PDZD2: variants seen among roughly 807,000 people sequenced by gnomAD.
PDZD2 encodes the protein PDZ domain-containing protein 2.
PDZD2 carries 90 observed loss-of-function variants against 220.7 expected under a neutral mutation model. The ratio of observed to expected loss-of-function variants is 0.41; its 90% confidence interval spans 0.34 to 0.49. The LOEUF (loss-of-function observed/expected upper bound fraction) is 0.49, where lower values mean the gene tolerates loss of function less well. Ranked by LOEUF, PDZD2 falls within the 20% of genes least tolerant of loss-of-function variation. The pLI, the probability that PDZD2 is intolerant of heterozygous loss-of-function variation, is 0.28. For synonymous variants in PDZD2, 1,375 were observed against 1,450.5 expected (o/e 0.95, Z 1.18); for missense variants, 3,174 against 3,608.5 (o/e 0.88, Z 3.08).
At chr5:31,945,449 G>A (rs748021365) in intron 2 of PDZD2, among the ~76,000 whole-genome samples, 2 of 152,064 alleles carry the variant, frequency 1.3e-5, no homozygotes, top group Admixed American at 6.5e-5. Context: ...CTGCTATCTC[G>A]GTCCTATCTT....
rs1315307332 is a variant in PDZD2, at chr5:32,025,557, A to ACAACT, written c.1408-11674_1408-11673insCAACT. ...AACAAACAAACAAACAAACAAACAAAAAACAACTAGTGAGCCCAAATGTAA... is the reference window on the plus strand; with the variant it reads ...AACAAACAAACAAACAAACAAACAAACAACTAAACAACTAGTGAGCCCAAATGTAA... On this transcript the variant is annotated intron_variant, in intron 6 of 24. Transcript: ENST00000438447. Among the ~76,000 whole-genome samples the ACAACT allele has an allele frequency of 2.6e-3, 337 of 128,400 alleles. 1 individual carries two copies. The highest frequency in any genetic ancestry group is 0.01 in the African/African-American group (319 of 31,230). The allele number at this position is 128,400 out of a possible 152,430, so 84.2% of individuals were successfully genotyped here.
intron 3 of PDZD2, among the ~76,000 whole-genome samples, chr5:31,990,469 A>G (rs1211960165): frequency 6.6e-6 from 1 of 152,188 alleles, no homozygotes; most frequent in Non-Finnish European, 1.5e-5. Flanking sequence ...AATGTAAAAG[A>G]AAACAAATGC....
At chr5:31,978,562 A>T (rs1749989409) in intron 2 of PDZD2, among the ~76,000 whole-genome samples, 1 of 152,170 alleles carries the variant, frequency 6.6e-6, no homozygotes, top group South Asian at 2.1e-4. Context: ...TACTAAAAGT[A>T]CAATTAGCCA....
chr5:31,989,421 C>CTTTTTTTTTTTTTTTTTT (rs869045113), intron 3 of PDZD2, among the ~76,000 whole-genome samples: 4 of 119,904 alleles, frequency 3.3e-5, no homozygotes, highest in Admixed American at 1.7e-4. Context: ...ATTTTCTTTT[C>CTTTTTTTTTTTTTTTTTT]TTTTTTTTTT....
chr5:31,676,391 G>A (rs1448273826), intron 1 of PDZD2, among the ~76,000 whole-genome samples: 2 of 152,260 alleles, frequency 1.3e-5, no homozygotes, highest in South Asian at 2.1e-4. Context: ...GTCAGAAGGA[G>A]TGACAAGTGG....
intron 2 of PDZD2, among the ~76,000 whole-genome samples, chr5:31,806,865 T>G (rs1057065978): frequency 6.6e-6 from 1 of 152,104 alleles, no homozygotes; most frequent in Non-Finnish European, 1.5e-5. Context: ...CAAATGTCTT[T>G]TCTGAAAAGT....
intron 1 of PDZD2, among the ~76,000 whole-genome samples, chr5:31,672,867 C>A (rs1746267143): frequency 6.6e-6 from 1 of 152,152 alleles, no homozygotes; most frequent in Admixed American, 6.5e-5. Context: ...GCGGGGGCTC[C>A]CTTTACATAA....
At chr5:31,967,632 G>A (rs905348702) in intron 2 of PDZD2, among the ~76,000 whole-genome samples, 1 of 152,184 alleles carries the variant, frequency 6.6e-6, no homozygotes, top group Non-Finnish European at 1.5e-5. Context: ...CCTGGGCGTT[G>A]ATAGTAGCCT....
intron 24 of PDZD2, among the ~76,000 whole-genome samples, chr5:32,104,141 C>T (rs2111720925): frequency 6.6e-6 from 1 of 152,002 alleles, no homozygotes; most frequent in South Asian, 2.1e-4. Context: ...GGCATGGTGG[C>T]TCATGCTTGT....
In PDZD2 at chr5:31,646,046, G is replaced by T. The variant is rs1401626744; in HGVS notation, c.-361+6609G>T. Among the ~76,000 whole-genome samples the T allele has an allele frequency of 8.4e-5, 2 of 23,824 alleles. No individual in the cohort carries two copies. Among genetic ancestry groups the T allele is most frequent in the Non-Finnish European group, 1.2e-3 (1 of 860 alleles). 15.6% of individuals were successfully genotyped at this position (23,824 alleles called of 152,430 possible). ...AGGGTGTCAGGGAGCTTTGCACTGC[G>T]GGGGGGCCTTCTCACTACTGTCACT... On this transcript the variant is annotated intron_variant, in intron 1 of 24. Coordinates refer to ENST00000438447, the MANE Select transcript of PDZD2 (RefSeq NM_178140.4). This position sits in a 1 kb window ranked among gnomAD's most constrained non-coding sequence, Gnocchi z 4.7.
At chr5:32,011,380 T>C (rs1328843000) in intron 6 of PDZD2, among the ~76,000 whole-genome samples, 1 of 151,280 alleles carries the variant, frequency 6.6e-6, no homozygotes, top group African/African-American at 2.4e-5. Context: ...ATGCCTGTAG[T>C]CTCAGCTACT....
At chr5:32,093,553 A>G (rs157499) in intron 21 of PDZD2, among the ~76,000 whole-genome samples, 29,349 of 152,158 alleles carry the variant, frequency 0.19, 3,385 homozygotes, top group South Asian at 0.48. Flanking sequence ...CTTAACTACT[A>G]ACAACCTACT....
chr5:32,012,718 C>CA (rs1159363104), intron 6 of PDZD2, among the ~76,000 whole-genome samples: 3 of 151,504 alleles, frequency 2.0e-5, no homozygotes, highest in South Asian at 2.1e-4. Flanking sequence ...TACTCTCCTG[C>CA]AAAAAAACTG....
At chr5:31,713,592 G>A (rs1051492373) in intron 1 of PDZD2, among the ~76,000 whole-genome samples, 4 of 152,156 alleles carry the variant, frequency 2.6e-5, no homozygotes, top group African/African-American at 9.7e-5. Flanking sequence ...TGCTGTCCTT[G>A]TGGTAATGAG....
intron 2 of PDZD2, among the ~76,000 whole-genome samples, chr5:31,956,558 A>T (rs1747714379): frequency 6.8e-6 from 1 of 147,436 alleles, no homozygotes; most frequent in Non-Finnish European, 1.5e-5. Context: ...AAAAAAAAAA[A>T]ATAAATAAAA....
chr5:31,691,784 T>C (rs978661292), intron 1 of PDZD2, among the ~76,000 whole-genome samples: 1 of 152,240 alleles, frequency 6.6e-6, no homozygotes, highest in African/African-American at 2.4e-5. Flanking sequence ...AGATAGGGAA[T>C]GTGGATTGGT....
intron 2 of PDZD2, among the ~76,000 whole-genome samples, chr5:31,946,266 G>A (rs1746621986): frequency 1.3e-5 from 2 of 152,196 alleles, no homozygotes; most frequent in South Asian, 2.1e-4. Flanking sequence ...GCCTCCCAAA[G>A]TTCTGGGATT....
intron 2 of PDZD2, among the ~76,000 whole-genome samples, chr5:31,969,766 A>G (rs1749126297): frequency 6.6e-6 from 1 of 152,150 alleles, no homozygotes; most frequent in African/African-American, 2.4e-5. Context: ...TATGTTGGAT[A>G]TGCCTCAGTA....
At chr5:31,796,251 A>C (rs1245635017) in intron 1 of PDZD2, among the ~76,000 whole-genome samples, 1 of 152,198 alleles carries the variant, frequency 6.6e-6, no homozygotes, top group Non-Finnish European at 1.5e-5. Flanking sequence ...TCAAAATTTT[A>C]CAATGTAATT....
Sources: gnomAD v4.1 joint callset for allele counts (sites outside exome capture counted in the v4.1 genomes callset) on GRCh38, gnomAD v4.1.1 for gene constraint, Gnocchi (gnomAD v3.1) non-coding constraint, MANE v1.5 for transcripts, NCBI Gene and HGNC (gene_info 2026-07-23, HGNC 2026-07-21) for gene names.